Variants in KIAA0586 observed in about 807,000 individuals in gnomAD.
The protein encoded by KIAA0586 is protein TALPID3.
KIAA0586 carries 144 observed loss-of-function variants against 169.8 expected under a neutral mutation model. The observed-to-expected ratio is 0.85, with a 90% CI of 0.74 to 0.97. KIAA0586 has a LOEUF of 0.97. Ranked by LOEUF, KIAA0586 falls within the 50% of genes least tolerant of loss-of-function variation. KIAA0586 has a pLI of 0.00. For synonymous variants in KIAA0586, 625 were observed against 612.4 expected (o/e 1.02, Z -0.30); for missense variants, 1,854 against 1,823.0 (o/e 1.02, Z -0.31).
rs549007767 is a variant in KIAA0586 at position 58,482,682 on chromosome 14, G to A, written c.3114G>A (p.Gly1038=). 8.3e-6 allele frequency: 13 copies of A among 1,575,022 alleles called. No individual in the cohort carries two copies. The highest frequency in any genetic ancestry group is 2.3e-5 in the East Asian group (1 of 43,756). The change falls in exon 21 of 31, where the codon GGG becomes GGA. Residue 1038 remains glycine (G), a synonymous_variant. Coordinates refer to ENST00000652326, the MANE Select transcript of KIAA0586 (RefSeq NM_001329943.3). Reference sequence around the variant, plus strand: ...GTCCTGTTGCTACAGGTGTTTCTGGGGATGCTTCAACAAATGAAACATATT... The same window carrying A: ...GTCCTGTTGCTACAGGTGTTTCTGGAGATGCTTCAACAAATGAAACATATT... ...KQGPVATGVS[G]DASTNETYLP...
At chr14:58,530,660 C>A (rs2045900166) in intron 29 of KIAA0586, among the ~76,000 whole-genome samples, 1 of 152,102 alleles carries the variant, frequency 6.6e-6, no homozygotes, top group Admixed American at 6.5e-5. Context: ...TGAAACTGGA[C>A]CTCTTCCTTA....
rs766214059 is a variant in KIAA0586 at position 58,482,522 on chromosome 14, C to A, written c.2954C>A (p.Thr985Lys). The change falls in exon 21 of 31, where the codon ACA becomes AAA. Residue 985 changes from threonine (T) to lysine (K), a missense_variant. Coordinates refer to ENST00000652326, the MANE Select transcript of KIAA0586 (RefSeq NM_001329943.3). ...EPLTSDIVEG[T>K]SSGALQLFVD... is the part of the protein sequence containing the mutation. ...TTTTTTTTACTTTTAGTGGAAGGAA[C>A]AAGCAGTGGCGCCCTCCAGCTTTTT... The A allele has an allele frequency of 2.0e-6, 3 of 1,512,282 alleles. No homozygotes were observed. The highest frequency in any genetic ancestry group is 4.9e-5 in the East Asian group (2 of 41,030). The allele number at this position is 1,512,282 out of a possible 1,614,324, so 93.7% of individuals were successfully genotyped here.
intron 29 of KIAA0586, chr14:58,521,863 A>G: frequency 9.2e-7 from 1 of 1,091,388 alleles, no homozygotes; most frequent in South Asian, 1.2e-5. Flanking sequence ...TTTGCTGAGG[A>G]GGACCTACTA....
chr14:58,443,982 A>G lies in KIAA0586; in HGVS notation c.614A>G (p.Asn205Ser). The G allele has an allele frequency of 1.2e-6, 2 of 1,608,664 alleles. No individual in the cohort carries two copies. The highest frequency in any genetic ancestry group is 1.1e-5 in the South Asian group (1 of 90,208). The change falls in exon 6 of 31, where the codon AAT becomes AGT. Residue 205 changes from asparagine (N) to serine (S), a missense_variant. Physicochemically the swap from Asn to Ser is conservative, Grantham distance 46. Transcript: ENST00000652326. Reference protein sequence around the residue: ...KVQSDLEAKVNSVTELLSKLQ... With the variant: ...KVQSDLEAKVSSVTELLSKLQ... The stretch of plus-strand genomic sequence containing the variant: ...CAGAGTGATTTGGAAGCAAAAGTCA[A>G]TTCTGTTACAGAATTACTTAGTAAA...
At chr14:58,507,189 GATTTTTATATA>G in intron 27 of KIAA0586, among the ~76,000 whole-genome samples, 1 of 141,700 alleles carries the variant, frequency 7.1e-6, no homozygotes, top group Non-Finnish European at 1.5e-5. Context: ...GTGTATGTAT[GATTTTTATATA>G]TATGTATGAT....
intron 29 of KIAA0586, among the ~76,000 whole-genome samples, chr14:58,525,696 T>A (rs1233895849): frequency 6.6e-6 from 1 of 152,194 alleles, no homozygotes; most frequent in Non-Finnish European, 1.5e-5. Context: ...GCACTTGGAA[T>A]GCCAGCAAGA....
At chr14:58,429,561 G>T in intron 2 of KIAA0586, 128 bp downstream of exon 2, 2 of 668,838 alleles carry the variant, frequency 3.0e-6, no homozygotes, top group South Asian at 3.5e-5. Flanking sequence ...CAAAACAAAT[G>T]TTTTATATAC....
At position 58,448,837 on chromosome 14, in the gene KIAA0586, A is replaced by G. The variant is rs528183383; in HGVS notation, c.961+344A>G. Among the ~76,000 whole-genome samples, 11 of 152,284 alleles carry G rather than the reference A, an allele frequency of 7.2e-5. No individual in the cohort carries two copies. The South Asian group carries it at 2.3e-3, about 32-fold the overall frequency. ...TTTAGAAAAAATTTACTTATTTACT[A>G]CAAAAATGCTTGTAAATAAATCAGT... On this transcript the variant is annotated intron_variant, in intron 7 of 30. Transcript: ENST00000652326.
intron 29 of KIAA0586, among the ~76,000 whole-genome samples, chr14:58,531,619 T>C (rs551194217): frequency 1.3e-5 from 2 of 152,294 alleles, no homozygotes; most frequent in South Asian, 2.1e-4. Context: ...GTAGAAGACA[T>C]TGTGGTGATT....
chr14:58,431,262 G>GT (rs1301528656), intron 3 of KIAA0586, among the ~76,000 whole-genome samples: 1 of 152,072 alleles, frequency 6.6e-6, no homozygotes, highest in African/African-American at 2.4e-5. Flanking sequence ...TATTAGATAT[G>GT]TTTATAAATT....
chr14:58,427,666 T>C, upstream of KIAA0586: 1 of 1,535,678 alleles, frequency 6.5e-7, no homozygotes, highest in South Asian at 1.2e-5. Context: ...ATGCGTGTTG[T>C]GTCTCAAGGG....
chr14:58,455,566 C>T (rs2039755965), intron 9 of KIAA0586, among the ~76,000 whole-genome samples: 1 of 152,092 alleles, frequency 6.6e-6, no homozygotes. Flanking sequence ...TTGTCATGTG[C>T]TCCCACTGAA....
At chr14:58,487,570 C>T (rs971796141) in intron 22 of KIAA0586, among the ~76,000 whole-genome samples, 2 of 151,566 alleles carry the variant, frequency 1.3e-5, no homozygotes, top group Admixed American at 6.6e-5. Context: ...CGCACCATTG[C>T]ACTCCACCCT....
intron 27 of KIAA0586, among the ~76,000 whole-genome samples, chr14:58,504,768 C>T (rs2141376200): frequency 6.6e-6 from 1 of 152,248 alleles, no homozygotes; most frequent in Non-Finnish European, 1.5e-5. Flanking sequence ...GCAAATTCAG[C>T]ACTGTTATGA....
At chr14:58,458,938 A>G (rs28485435) in intron 12 of KIAA0586, among the ~76,000 whole-genome samples, 1 of 152,244 alleles carries the variant, frequency 6.6e-6, no homozygotes, top group South Asian at 2.1e-4. Flanking sequence ...TACTAAGTTT[A>G]CGGAAGTCAG....
chr14:58,532,673 G>T (rs1485549642), intron 29 of KIAA0586, among the ~76,000 whole-genome samples: 1 of 152,018 alleles, frequency 6.6e-6, no homozygotes, highest in Non-Finnish European at 1.5e-5. Context: ...ATTATTTTCA[G>T]TGTCCCTGAT....
chr14:58,494,593 A>G (rs1196850236), intron 26 of KIAA0586, among the ~76,000 whole-genome samples: 1 of 151,960 alleles, frequency 6.6e-6, no homozygotes, highest in Non-Finnish European at 1.5e-5. Context: ...TAGGGAGGAG[A>G]GCCTTAGGCA....
chr14:58,459,221 A>G (rs2040125815), intron 12 of KIAA0586, among the ~76,000 whole-genome samples: 1 of 152,170 alleles, frequency 6.6e-6, no homozygotes, highest in Non-Finnish European at 1.5e-5. Context: ...TTCCATAGCA[A>G]TAAACACAGA....
At chr14:58,432,753 C>T (rs1364037694) in intron 4 of KIAA0586, among the ~76,000 whole-genome samples, 2 of 152,080 alleles carry the variant, frequency 1.3e-5, no homozygotes, top group African/African-American at 2.4e-5. Flanking sequence ...TGGAGTCTCG[C>T]GTCGCCCAGG....
Sources: allele counts gnomAD v4.1 joint callset (sites outside exome capture counted in the v4.1 genomes callset), GRCh38; gene constraint gnomAD v4.1.1; transcripts MANE v1.5; gene names NCBI Gene and HGNC (gene_info 2026-07-23, HGNC 2026-07-21).